Variants in SH3GL2 observed in about 807,000 individuals in gnomAD.
SH3GL2 encodes SH3 domain containing GRB2 like 2, endophilin A1, also known as endophilin-A1.
A neutral mutation model predicts 46.0 loss-of-function variants in SH3GL2; 24 were observed. That is an observed-to-expected ratio of 0.52 (90% CI 0.38 to 0.73). The LOEUF (loss-of-function observed/expected upper bound fraction) is 0.73. Ranked by LOEUF, SH3GL2 falls within the 30% of genes least tolerant of loss-of-function variation. SH3GL2 has a pLI of 0.00. For missense variants in SH3GL2, 413 were observed against 424.2 expected, an observed-to-expected ratio of 0.97 and a Z score of 0.23; for synonymous variants, 196 against 147.1, an observed-to-expected ratio of 1.33 and a Z score of -2.40.
At chr9:17,713,490 G>A (rs562785489) in intron 1 of SH3GL2, among the ~76,000 whole-genome samples, 12 of 150,896 alleles carry the variant, frequency 8.0e-5, no homozygotes, top group Non-Finnish European at 1.5e-4. Context: ...AAGGTCATTC[G>A]TTTTGAGACT....
chr9:17,708,515 A>G (rs1240593218), intron 1 of SH3GL2, among the ~76,000 whole-genome samples: 2 of 151,990 alleles, frequency 1.3e-5, no homozygotes, highest in Non-Finnish European at 2.9e-5. Context: ...TTAGAGCTTG[A>G]CTTTCTTAGA....
chr9:17,732,064 G>T (rs1332790788), intron 1 of SH3GL2, among the ~76,000 whole-genome samples: 2 of 152,260 alleles, frequency 1.3e-5, no homozygotes, highest in East Asian at 1.9e-4. Flanking sequence ...GTCTGATCAT[G>T]ACTGTTTTAA....
intron 2 of SH3GL2, among the ~76,000 whole-genome samples, chr9:17,757,958 CAA>C (rs1259548826): frequency 1.3e-5 from 2 of 152,048 alleles, no homozygotes; most frequent in African/African-American, 4.8e-5. Flanking sequence ...TGTAGTTTAG[CAA>C]AAGAGTCCTG....
chr9:17,650,696 A>G (rs954384878), intron 1 of SH3GL2, among the ~76,000 whole-genome samples: 1 of 152,208 alleles, frequency 6.6e-6, no homozygotes, highest in Non-Finnish European at 1.5e-5. Flanking sequence ...ATTTTTGTAA[A>G]TCATGTTATT....
rs1405936038 is a variant in SH3GL2, at chr9:17,767,651, TATGAATGAATATATCC to T, written c.187+6145_187+6160del. Among the ~76,000 whole-genome samples, 7 of 152,234 alleles carry T rather than the reference TATGAATGAATATATCC, an allele frequency of 4.6e-5. No homozygotes were observed. In the East Asian group the frequency reaches 9.6e-4, roughly 21 times the overall value. On this transcript the variant is annotated intron_variant, in intron 3 of 8. Coordinates refer to ENST00000380607, the MANE Select transcript of SH3GL2 (RefSeq NM_003026.5). ...TCTCAGTATGTCTGGTGAATAGGTG[TATGAATGAATATATCC>T]ATCCTTCACTTAAAGAATAAGGGAT... is the stretch of plus-strand genomic sequence containing the variant.
Position 17,786,382 on chromosome 9 carries a change from T to G in SH3GL2, c.189T>G (p.Ala63=). 6.2e-7 allele frequency: 1 copy of G among 1,606,704 alleles called. No homozygotes were observed. The highest frequency in any genetic ancestry group is 8.5e-7 in the Non-Finnish European group (1 of 1,177,638). ...KTIEYLQPNP[A]SRAKLSMINT... ...AGCTTGTTCTCTCTTCACCTTCAGC[T>G]TCCAGAGCTAAGCTCAGCATGATCA... The change falls in exon 4 of 9, where the codon GCT becomes GCG. Residue 63 remains alanine (A), a splice_region_variant and synonymous_variant. Coordinates refer to ENST00000380607, the MANE Select transcript of SH3GL2 (RefSeq NM_003026.5).
intron 1 of SH3GL2, among the ~76,000 whole-genome samples, chr9:17,710,063 C>CT (rs1005288372): frequency 6.6e-6 from 1 of 151,858 alleles, no homozygotes; most frequent in African/African-American, 2.4e-5. Context: ...GTTGAAGAGT[C>CT]TGAGTTTCAC....
chr9:17,738,545 A>ATATATACATATATACATAT (rs1563833701), intron 1 of SH3GL2, among the ~76,000 whole-genome samples: 3 of 107,352 alleles, frequency 2.8e-5, no homozygotes, highest in Non-Finnish European at 4.3e-5. Context: ...TATATACATA[A>ATATATACATATATACATAT]GTGTGTGTGT....
At chr9:17,656,317 G>A (rs1195363866) in intron 1 of SH3GL2, among the ~76,000 whole-genome samples, 1 of 152,008 alleles carries the variant, frequency 6.6e-6, no homozygotes, top group African/African-American at 2.4e-5. Flanking sequence ...TTCTTCAGAA[G>A]ATTAACCAAC....
intron 1 of SH3GL2, among the ~76,000 whole-genome samples, chr9:17,641,390 G>T (rs1426109671): frequency 6.6e-6 from 1 of 152,062 alleles, no homozygotes; most frequent in Admixed American, 6.5e-5. Context: ...GCTATAAAAA[G>T]AAATGAAATA....
chr9:17,683,017 A>G (rs973417561), intron 1 of SH3GL2, among the ~76,000 whole-genome samples: 1 of 152,112 alleles, frequency 6.6e-6, no homozygotes, highest in South Asian at 2.1e-4. Flanking sequence ...TCTTGGTCTC[A>G]TCAGAGAATT....
chr9:17,728,403 G>T (rs1427590907), intron 1 of SH3GL2, among the ~76,000 whole-genome samples: 1 of 151,952 alleles, frequency 6.6e-6, no homozygotes, highest in Non-Finnish European at 1.5e-5. Context: ...AATGGTGGTG[G>T]TATCTAAAAC....
chr9:17,640,881 A>G lies in SH3GL2; in HGVS notation c.45+61594A>G, dbSNP rs3808730. The stretch of plus-strand genomic sequence containing the variant: ...TCTTTCAACATGCCTAATGTAGCAT[A>G]ATAGTTAATAGCATAGTAGTTTGAC... On this transcript the variant is annotated intron_variant, in intron 1 of 8. Coordinates refer to ENST00000380607, the MANE Select transcript of SH3GL2 (RefSeq NM_003026.5). 3.9e-5 allele frequency among the ~76,000 whole-genome samples: 6 copies of G among 152,308 alleles called. No homozygotes were observed. In the East Asian group the frequency reaches 1.2e-3, roughly 29 times the overall value.
chr9:17,612,523 C>T (rs947194936), intron 1 of SH3GL2, among the ~76,000 whole-genome samples: 14 of 151,950 alleles, frequency 9.2e-5, no homozygotes, highest in Non-Finnish European at 1.9e-4. Flanking sequence ...ATACAGAGGA[C>T]CAGAAATTGT....
intron 3 of SH3GL2, among the ~76,000 whole-genome samples, chr9:17,775,335 C>T (rs745815345): frequency 1.3e-5 from 2 of 152,088 alleles, no homozygotes; most frequent in Non-Finnish European, 2.9e-5. Flanking sequence ...AACGAAATAG[C>T]CGTCAACTGT....
chr9:17,632,364 C>T (rs1819448064), intron 1 of SH3GL2, among the ~76,000 whole-genome samples: 1 of 152,128 alleles, frequency 6.6e-6, no homozygotes, highest in Admixed American at 6.5e-5. Context: ...CTACAAAGCA[C>T]AATTATTGGA....
chr9:17,741,752 C>G (rs1281234697), intron 1 of SH3GL2, among the ~76,000 whole-genome samples: 1 of 152,196 alleles, frequency 6.6e-6, no homozygotes, highest in Non-Finnish European at 1.5e-5. Context: ...GATATATGAT[C>G]TCTTCCATTA....
At chr9:17,734,852 T>G (rs1235655664) in intron 1 of SH3GL2, among the ~76,000 whole-genome samples, 1 of 152,102 alleles carries the variant, frequency 6.6e-6, no homozygotes, top group Non-Finnish European at 1.5e-5. Flanking sequence ...CTTTTTGGTA[T>G]GATGAAAGCA....
rs148925954 is a variant in SH3GL2, at chr9:17,599,873, G to A, written c.45+20586G>A. On this transcript the variant is annotated intron_variant, in intron 1 of 8. Transcript: ENST00000380607. ...GATATTTCCTTTAAAAAATATAAAC[G>A]GTGAATATATACCTATTGATAATAA... 2.9e-3 allele frequency among the ~76,000 whole-genome samples: 442 copies of A among 150,918 alleles called. 1 individual carries two copies. The highest frequency in any genetic ancestry group is 0.01 in the African/African-American group (420 of 41,162).
Sources: allele counts gnomAD v4.1 joint callset (sites outside exome capture counted in the v4.1 genomes callset), GRCh38; gene constraint gnomAD v4.1.1; transcripts MANE v1.5; gene names NCBI Gene and HGNC (gene_info 2026-07-23, HGNC 2026-07-21).